PADI6: variants seen among roughly 807,000 people sequenced by gnomAD.
PADI6 encodes the protein peptidyl arginine deiminase 6.
A neutral mutation model predicts 78.2 loss-of-function variants in PADI6; 66 were observed. That is an observed-to-expected ratio of 0.84 (90% CI 0.69 to 1.04). The LOEUF is 1.04. PADI6 is among the 50% of genes least tolerant of loss of function. The probability of loss-of-function intolerance (pLI) is 0.00; values close to 1 mark genes in which losing one functional copy is unlikely to be tolerated. For synonymous variants in PADI6, 397 were observed against 346.9 expected (o/e 1.14, Z -1.60); for missense variants, 854 against 866.1 (o/e 0.99, Z 0.18).
At chr1:17,382,223 T>G (rs1028037092) in intron 6 of PADI6, 131 bp downstream of exon 6, 14 of 1,192,006 alleles carry the variant, frequency 1.2e-5, no homozygotes, top group Non-Finnish European at 1.6e-5. Flanking sequence ...GAGAGGCTGT[T>G]GTGGCTGTAC....
chr1:17,398,921 G>A (rs947386972), intron 15 of PADI6, 74 bp downstream of exon 15: 56 of 1,479,494 alleles, frequency 3.8e-5, no homozygotes, highest in Middle Eastern at 1.7e-4. Context: ...TCACTGTGCT[G>A]GACTGCAGAT....
In PADI6 at chr1:17,378,947, ATT is replaced by A. The variant is rs869119547; in HGVS notation, c.368-966_368-965del. Among the ~76,000 whole-genome samples the A allele has an allele frequency of 1.8e-3, 203 of 115,652 alleles. 1 individual carries two copies. Among genetic ancestry groups the A allele is most frequent in the African/African-American group, 7.1e-3 (189 of 26,604 alleles). The allele number at this position is 115,652 out of a possible 152,430, so 75.9% of individuals were successfully genotyped here. ...GGGGCTTAGAATTGTCATGTATTGA[ATT>A]TTTTTTGGGGGGGGGGACAGAATCT... On this transcript the variant is annotated intron_variant, in intron 3 of 15. Transcript: ENST00000619609.
intron 15 of PADI6, 84 bp downstream of exon 15, chr1:17,398,931 T>C (rs2075274397): frequency 7.1e-7 from 1 of 1,413,732 alleles, no homozygotes; most frequent in Non-Finnish European, 9.8e-7. Context: ...GGACTGCAGA[T>C]ATGGTGGACA....
At chr1:17,380,759 C>A (rs978176575) in intron 4 of PADI6, among the ~76,000 whole-genome samples, 5 of 152,146 alleles carry the variant, frequency 3.3e-5, no homozygotes, top group African/African-American at 1.2e-4. Context: ...GCCGCTGCTG[C>A]CAGGTGGCAC....
At chr1:17,381,452 T>G (rs1208900975) in intron 5 of PADI6, among the ~76,000 whole-genome samples, 2 of 152,230 alleles carry the variant, frequency 1.3e-5, no homozygotes, top group East Asian at 3.8e-4. Context: ...ATGGGGATGA[T>G]GCAGTTGGCC....
rs751468733 is a variant in PADI6, at chr1:17,388,889, C to T, written c.962+9C>T. On this transcript the variant is annotated intron_variant, in intron 8 of 15. Transcript: ENST00000619609. ...GAGGTTTACCTGTGCAGGTGAGAGACCATCAGGCTGACTGTGCCAGGCGGT... is the reference window on the plus strand; with the variant it reads ...GAGGTTTACCTGTGCAGGTGAGAGATCATCAGGCTGACTGTGCCAGGCGGT... The T allele has an allele frequency of 1.2e-5, 20 of 1,606,720 alleles. No homozygotes were observed. The highest frequency in any genetic ancestry group is 1.7e-5 in the Non-Finnish European group (20 of 1,174,608).
chr1:17,393,998 C>G lies in PADI6; in HGVS notation c.1098C>G (p.Thr366=). 6.2e-7 allele frequency: 1 copy of G among 1,613,868 alleles called. No individual in the cohort carries two copies. Among genetic ancestry groups the G allele is most frequent in the Non-Finnish European group, 8.5e-7 (1 of 1,179,862 alleles). The change falls in exon 10 of 16, where the codon ACC becomes ACG. Residue 366 remains threonine (T), a synonymous_variant. Coordinates refer to ENST00000619609, the MANE Select transcript of PADI6 (RefSeq NM_207421.4). ...AGGATGAGATGGCCTTCTGCTACAC[C>G]CAGGCTCCCCACAAGACAACGTCCT... ...WLQDEMAFCY[T]QAPHKTTSLI... is the part of the protein sequence containing the mutation.
intron 6 of PADI6, among the ~76,000 whole-genome samples, chr1:17,386,613 A>T (rs1438761729): frequency 6.6e-6 from 1 of 152,156 alleles, no homozygotes; most frequent in Admixed American, 6.5e-5. Flanking sequence ...TTGCCCCATG[A>T]GGCCTGGCTC....
chr1:17,381,961 G>A lies in PADI6; in HGVS notation c.554-6G>A, dbSNP rs2075076803. 1.2e-6 allele frequency: 2 copies of A among 1,613,566 alleles called. No homozygotes were observed. Among genetic ancestry groups the A allele is most frequent in the Non-Finnish European group, 1.7e-6 (2 of 1,179,680 alleles). ...TTCCTTAACCTTTGCTTTGTCTTTT[G>A]CCCAGAAATAACGAATCTGTCCCAG... is the stretch of plus-strand genomic sequence containing the variant. On this transcript the variant is annotated splice_region_variant and splice_polypyrimidine_tract_variant and intron_variant, in intron 5 of 15. Transcript: ENST00000619609.
intron 6 of PADI6, among the ~76,000 whole-genome samples, chr1:17,387,032 C>T (rs75591852): frequency 0.011 from 1,631 of 152,086 alleles, 44 homozygotes; most frequent in African/African-American, 0.037. Context: ...GAATCTTGAG[C>T]AGGAACAGCC....
At chr1:17,398,665 C>A (rs1265947227) in intron 14 of PADI6, 21 bp from the exon 15 acceptor site, 1 of 174,298 alleles carries the variant, frequency 5.7e-6, no homozygotes, top group Non-Finnish European at 1.2e-5. Flanking sequence ...CCCCCCCCCC[C>A]ACCCACCCAC....
chr1:17,387,871 A>G (rs1450966238), intron 6 of PADI6, among the ~76,000 whole-genome samples: 3 of 152,230 alleles, frequency 2.0e-5, no homozygotes, highest in Non-Finnish European at 2.9e-5. Context: ...CAGGCTTAAC[A>G]TGTATAATCA....
chr1:17,372,396 C>T (rs6700319), intron 1 of PADI6, 35 bp downstream of exon 1: 275,425 of 1,591,360 alleles, frequency 0.17, 24,962 homozygotes, highest in East Asian at 0.26. Flanking sequence ...AGGTGGCAGG[C>T]AGACAGGCAG....
In PADI6 at chr1:17,401,405, C is replaced by CT. The variant is rs1158721245; in HGVS notation, c.2055dup (p.Ala686CysfsTer33). The CT allele has an allele frequency of 1.9e-6, 3 of 1,613,936 alleles. No homozygotes were observed. In the African/African-American group the frequency reaches 4.0e-5, roughly 22 times the overall value. ...CCTGTGCCAACATCCGCCGGGTGCC[C>CT]TTTGCCTTCAAATGGTGGAAGATGG... On this transcript the variant is annotated frameshift_variant, in exon 16 of 16. Transcript: ENST00000619609. LOFTEE classifies it high-confidence loss of function.
chr1:17,382,088 C>G lies in PADI6; in HGVS notation c.675C>G (p.Pro225=). 6.2e-7 allele frequency: 1 copy of G among 1,613,642 alleles called. No homozygotes were observed. The highest frequency in any genetic ancestry group is 1.1e-5 in the South Asian group (1 of 91,042). ...CGAAGAAGGCGAGAGTCTACTGGCC[C>G]CAAAGTGAGTGTTCTTGTGCCAGCT... ...EESKKARVYW[P]QKDNSSTFEL... is the part of the protein sequence containing the mutation. The change falls in exon 6 of 16, where the codon CCC becomes CCG. Residue 225 remains proline, a synonymous_variant. Coordinates refer to ENST00000619609, the MANE Select transcript of PADI6 (RefSeq NM_207421.4).
intron 11 of PADI6, 114 bp downstream of exon 11, chr1:17,394,568 A>G (rs1557607964): frequency 8.6e-7 from 1 of 1,162,476 alleles, no homozygotes; most frequent in Non-Finnish European, 1.2e-6. Context: ...ACCATTTCTT[A>G]AACTGAAGAC....
chr1:17,393,089 T>G (rs2075205062), intron 9 of PADI6, among the ~76,000 whole-genome samples: 1 of 151,852 alleles, frequency 6.6e-6, no homozygotes, highest in Non-Finnish European at 1.5e-5. Context: ...GAGGTTGCAG[T>G]GCACCTAGAT....
chr1:17,393,912 T>C, intron 9 of PADI6, 63 bp from the exon 10 acceptor site: 2 of 1,470,698 alleles, frequency 1.4e-6, no homozygotes, highest in South Asian at 2.3e-5. Context: ...CCGTACCTTT[T>C]CCGTAAATGG....
chr1:17,382,048 C>T lies in PADI6; in HGVS notation c.635C>T (p.Thr212Ile), dbSNP rs956332450. 1.2e-6 allele frequency: 2 copies of T among 1,613,992 alleles called. No individual in the cohort carries two copies. The highest frequency in any genetic ancestry group is 1.1e-5 in the South Asian group (1 of 91,084). Residue 212 changes from threonine (T) to isoleucine (I), a missense_variant, in exon 6 of 16, where the codon ACC (threonine) becomes ATC (isoleucine). By Grantham distance (89) the Thr-to-Ile change is moderately conservative. Coordinates refer to ENST00000619609, the MANE Select transcript of PADI6 (RefSeq NM_207421.4). ...AAGAAATATCGGCTAGTCCTCCATACCTCCAAGGAAGAGTCGAAGAAGGCG... is the reference window on the plus strand; with the variant it reads ...AAGAAATATCGGCTAGTCCTCCATATCTCCAAGGAAGAGTCGAAGAAGGCG... Reference protein sequence around the residue: ...ILKKYRLVLHTSKEESKKARV... With the variant: ...ILKKYRLVLHISKEESKKARV...
Sources: allele counts gnomAD v4.1 joint callset (sites outside exome capture counted in the v4.1 genomes callset), GRCh38; gene constraint gnomAD v4.1.1; transcripts MANE v1.5; gene names NCBI Gene and HGNC (gene_info 2026-07-23, HGNC 2026-07-21).